Variants in PRKN observed in about 807,000 individuals in gnomAD.
PRKN encodes the protein parkin RBR E3 ubiquitin protein ligase, also known as E3 ubiquitin-protein ligase parkin.
Under a neutral mutation model 59.5 loss-of-function variants are expected in PRKN, and 56 were observed. The observed-to-expected ratio is 0.94, with a 90% CI of 0.76 to 1.18. PRKN has a LOEUF of 1.18. PRKN is among the 50% of genes most tolerant of loss of function. PRKN has a pLI of 0.00. For missense variants in PRKN, 657 were observed against 596.4 expected (o/e 1.10, Z -1.06); for synonymous variants, 250 against 222.1 (o/e 1.13, Z -1.12).
At position 162,699,013 on chromosome 6, in the gene PRKN, TA is replaced by T. The variant is rs146650239; in HGVS notation, c.7+28648del. Among the ~76,000 whole-genome samples, 1,287 of 152,262 alleles carry T rather than the reference TA, an allele frequency of 8.5e-3. 19 individuals are homozygous for T. The highest frequency in any genetic ancestry group is 0.029 in the African/African-American group (1,220 of 41,548). ...CATTAAAAGGGTTTTGTTAATCATT[TA>T]AAAAATATTGTTAAATTACTGCCAT... On this transcript the variant is annotated intron_variant, in intron 1 of 11. Coordinates refer to ENST00000366898, the MANE Select transcript of PRKN (RefSeq NM_004562.3).
chr6:162,412,584 A>C (rs1452830920), intron 2 of PRKN, among the ~76,000 whole-genome samples: 1 of 152,096 alleles, frequency 6.6e-6, no homozygotes, highest in East Asian at 1.9e-4. Context: ...CTTGGTTTTG[A>C]ATGTTTTAAA....
intron 6 of PRKN, among the ~76,000 whole-genome samples, chr6:161,799,899 G>A (rs940484057): frequency 6.6e-6 from 1 of 152,118 alleles, no homozygotes; most frequent in African/African-American, 2.4e-5. Flanking sequence ...AGGTAGGAAT[G>A]CTGGGCATTT....
At chr6:161,888,158 G>C (rs1452658041) in intron 6 of PRKN, among the ~76,000 whole-genome samples, 1 of 152,092 alleles carries the variant, frequency 6.6e-6, no homozygotes, top group Non-Finnish European at 1.5e-5. Flanking sequence ...CTAATTATCA[G>C]ATGTGATTTG....
At chr6:162,314,092 C>T (rs1018988912) in intron 2 of PRKN, among the ~76,000 whole-genome samples, 42 of 152,200 alleles carry the variant, frequency 2.8e-4, no homozygotes, top group African/African-American at 9.9e-4. Context: ...TTCCATGTAG[C>T]GCTTGCTCTC....
intron 7 of PRKN, among the ~76,000 whole-genome samples, chr6:161,664,496 C>A (rs557758885): frequency 6.6e-6 from 1 of 151,872 alleles, no homozygotes; most frequent in East Asian, 1.9e-4. Context: ...TTCTTAGAAC[C>A]GGTATCCTTT....
rs760853343 is a variant in PRKN, at chr6:161,497,489, G to A, written c.1083+51365C>T. ...AGATATTACTCCTTTTTAAAACTCT[G>A]TATTCCCATTGAAAAGAGTCAAGGG... On this transcript the variant is annotated intron_variant, in intron 9 of 11. Transcript: ENST00000366898. The surrounding 1 kb of genome is among the most constrained non-coding windows in gnomAD (Gnocchi z 4.6). 3.3e-5 allele frequency among the ~76,000 whole-genome samples: 5 copies of A among 152,068 alleles called. No homozygotes were observed. The highest frequency in any genetic ancestry group is 2.1e-4 in the South Asian group (1 of 4,814).
At chr6:161,976,980 TG>T (rs1397672040) in intron 5 of PRKN, among the ~76,000 whole-genome samples, 1 of 152,190 alleles carries the variant, frequency 6.6e-6, no homozygotes, top group East Asian at 1.9e-4. Context: ...TACAGATAGT[TG>T]AAAAATTCTA....
chr6:161,735,743 C>T (rs937761621), intron 7 of PRKN, among the ~76,000 whole-genome samples: 3 of 151,984 alleles, frequency 2.0e-5, no homozygotes, highest in Non-Finnish European at 2.9e-5. Context: ...GGTGAAACTC[C>T]ATCTCTACTA....
At chr6:162,649,996 G>T (rs1778355583) in intron 1 of PRKN, among the ~76,000 whole-genome samples, 1 of 152,190 alleles carries the variant, frequency 6.6e-6, no homozygotes, top group African/African-American at 2.4e-5. Flanking sequence ...CACCAGAAAT[G>T]ATGAAATGAT....
At chr6:162,170,307 T>C (rs1054368951) in intron 4 of PRKN, among the ~76,000 whole-genome samples, 1 of 152,182 alleles carries the variant, frequency 6.6e-6, no homozygotes, top group Non-Finnish European at 1.5e-5. Flanking sequence ...ACAAATGGGA[T>C]TGCTCCGGAA....
intron 2 of PRKN, among the ~76,000 whole-genome samples, chr6:162,402,839 A>C (rs1182218910): frequency 6.6e-6 from 1 of 151,858 alleles, no homozygotes; most frequent in Non-Finnish European, 1.5e-5. Context: ...GCTTTCTTAG[A>C]GACAAGGTCC....
At chr6:161,677,612 C>T (rs1042988480) in intron 7 of PRKN, among the ~76,000 whole-genome samples, 3 of 152,194 alleles carry the variant, frequency 2.0e-5, no homozygotes, top group Non-Finnish European at 4.4e-5. Context: ...ACACACACTG[C>T]ACTGGTGGAT....
chr6:162,158,709 G>A (rs1417386295), intron 4 of PRKN, among the ~76,000 whole-genome samples: 1 of 151,994 alleles, frequency 6.6e-6, no homozygotes, highest in Non-Finnish European at 1.5e-5. Context: ...GGGATTACAG[G>A]TGTAAGCCAC....
At chr6:162,101,319 A>G (rs932635347) in intron 4 of PRKN, among the ~76,000 whole-genome samples, 1 of 151,204 alleles carries the variant, frequency 6.6e-6, no homozygotes, top group Non-Finnish European at 1.5e-5. Flanking sequence ...TTCCAACACC[A>G]CTTATGGAAG....
At position 161,584,755 on chromosome 6, in the gene PRKN, C is replaced by T. The variant is rs965414284; in HGVS notation, c.872-15339G>A. ...GGATATTGCTTCTCAGAAGACATCC[C>T]GAACACCTCAATAACAAATGTTATA... On this transcript the variant is annotated intron_variant, in intron 7 of 11. Transcript: ENST00000366898. The surrounding 1 kb of genome is among the most constrained non-coding windows in gnomAD (Gnocchi z 4.8). 2.6e-5 allele frequency among the ~76,000 whole-genome samples: 4 copies of T among 152,110 alleles called. No individual in the cohort carries two copies. Among genetic ancestry groups the T allele is most frequent in the Admixed American group, 6.5e-5 (1 of 15,274 alleles).
intron 6 of PRKN, among the ~76,000 whole-genome samples, chr6:161,946,414 ACT>A (rs61537965): frequency 0.2 from 23,147 of 113,218 alleles, 2,396 homozygotes; most frequent in Non-Finnish European, 0.25. Flanking sequence ...ACACACACAC[ACT>A]CTCTCTCTCT....
intron 1 of PRKN, among the ~76,000 whole-genome samples, chr6:162,623,290 T>C (rs897969219): frequency 9.2e-6 from 1 of 108,758 alleles, no homozygotes; most frequent in Non-Finnish European, 1.9e-5. Flanking sequence ...TTTTAAAAAT[T>C]GGCTTTTTTT....
At chr6:162,218,408 G>A (rs887498924) in intron 3 of PRKN, among the ~76,000 whole-genome samples, 1 of 152,146 alleles carries the variant, frequency 6.6e-6, no homozygotes, top group South Asian at 2.1e-4. Context: ...ATGCTGCAGA[G>A]GGCAGAACCC....
chr6:161,626,541 C>T (rs981303424), intron 7 of PRKN, among the ~76,000 whole-genome samples: 12 of 152,228 alleles, frequency 7.9e-5, no homozygotes, highest in South Asian at 2.1e-4. Flanking sequence ...TGAAAGAACA[C>T]GGAGCGTGTC....
Sources: allele counts gnomAD v4.1 joint callset (sites outside exome capture counted in the v4.1 genomes callset), GRCh38; gene constraint gnomAD v4.1.1; non-coding constraint Gnocchi (gnomAD v3.1); transcripts MANE v1.5; gene names NCBI Gene and HGNC (gene_info 2026-07-23, HGNC 2026-07-21).